The following TOP6BL variants were observed in gnomAD, a reference collection of about 807,000 sequenced individuals.
The protein encoded by TOP6BL is type 2 DNA topoisomerase 6 subunit B-like.
chr11:66,838,488 G>A, the TOP6BL span: 6 of 1,563,468 alleles, frequency 3.8e-6, no homozygotes, highest in Non-Finnish European at 5.3e-6. Context: ...CTGCAGCAGA[G>A]GAAGTAAAAA....
chr11:66,833,636 A>T, the TOP6BL span, among the ~76,000 whole-genome samples: 1 of 152,108 alleles, frequency 6.6e-6, no homozygotes. Context: ...CCTCTGTGGT[A>T]TCCCAGTAAG....
At chr11:66,791,175 A>G in the TOP6BL span, among the ~76,000 whole-genome samples, 1 of 152,346 alleles carries the variant, frequency 6.6e-6, no homozygotes, top group Middle Eastern at 3.4e-3. Context: ...TGGAAAAGCT[A>G]TAATAAATGA....
At chr11:66,744,817 G>GC in the TOP6BL span, 4 of 1,290,564 alleles carry the variant, frequency 3.1e-6, no homozygotes, top group African/African-American at 6.5e-5. Context: ...GGGCTGAGGA[G>GC]GGGGCGGCGG....
the TOP6BL span, among the ~76,000 whole-genome samples, chr11:66,815,295 G>A: frequency 1.3e-5 from 2 of 152,118 alleles, no homozygotes; most frequent in African/African-American, 4.8e-5. Flanking sequence ...AATGAATAAC[G>A]TAGGAAATGT....
At chr11:66,745,837 G>C in the TOP6BL span, among the ~76,000 whole-genome samples, 6 of 152,154 alleles carry the variant, frequency 3.9e-5, no homozygotes, top group South Asian at 8.3e-4. Context: ...TTGAGACGGA[G>C]TCTCGCTCTT....
the TOP6BL span, chr11:66,801,012 G>T: frequency 6.2e-7 from 1 of 1,612,192 alleles, no homozygotes; most frequent in Non-Finnish European, 8.5e-7. Flanking sequence ...AGATGGCTTA[G>T]CTTTGCTTTG....
chr11:66,745,194 G>T, the TOP6BL span, among the ~76,000 whole-genome samples: 1 of 152,048 alleles, frequency 6.6e-6, no homozygotes, highest in Non-Finnish European at 1.5e-5. Context: ...CCCAGGGGCA[G>T]AGCCTGACGC....
the TOP6BL span, among the ~76,000 whole-genome samples, chr11:66,800,080 C>A: frequency 1.3e-3 from 191 of 147,762 alleles, 2 homozygotes; most frequent in South Asian, 6.9e-3. Context: ...AAAAAAAAAA[C>A]CACAAAAAAC....
At chr11:66,820,058 A>G in the TOP6BL span, among the ~76,000 whole-genome samples, 2 of 152,106 alleles carry the variant, frequency 1.3e-5, no homozygotes, top group African/African-American at 2.4e-5. Context: ...CAGGCTGGGC[A>G]ACAAAACCCA....
the TOP6BL span, among the ~76,000 whole-genome samples, chr11:66,789,286 G>A: frequency 4.6e-5 from 7 of 152,040 alleles, no homozygotes; most frequent in African/African-American, 9.7e-5. Context: ...TCTCTTTATC[G>A]ACTTATTTGT....
chr11:66,829,796 GAA>G, the TOP6BL span, among the ~76,000 whole-genome samples: 1 of 152,142 alleles, frequency 6.6e-6, no homozygotes, highest in South Asian at 2.1e-4. Flanking sequence ...GGCTGAGGTG[GAA>G]GAACTGCATG....
the TOP6BL span, among the ~76,000 whole-genome samples, chr11:66,792,749 A>G: frequency 3.3e-5 from 5 of 152,312 alleles, 1 homozygote; most frequent in East Asian, 9.6e-4. Context: ...ATCATTATTC[A>G]TTGTAGTCTC....
chr11:66,783,170 A>C, the TOP6BL span, among the ~76,000 whole-genome samples: 1 of 152,200 alleles, frequency 6.6e-6, no homozygotes, highest in Non-Finnish European at 1.5e-5. Context: ...TGTATCTACA[A>C]AAAATTACAA....
the TOP6BL span, among the ~76,000 whole-genome samples, chr11:66,831,696 TA>T: frequency 6.6e-6 from 1 of 152,124 alleles, no homozygotes; most frequent in East Asian, 1.9e-4. Context: ...CATGTGTACT[TA>T]AAAATTGTAC....
the TOP6BL span, among the ~76,000 whole-genome samples, chr11:66,814,415 T>A: frequency 6.6e-6 from 1 of 152,098 alleles, no homozygotes; most frequent in Non-Finnish European, 1.5e-5. Context: ...CCTACCACCA[T>A]GCCTGGCTAA....
chr11:66,783,992 AT>A, the TOP6BL span, among the ~76,000 whole-genome samples: 36 of 151,734 alleles, frequency 2.4e-4, 1 homozygote, highest in African/African-American at 7.7e-4. Flanking sequence ...CACCTAGTTA[AT>A]TTTTTTGTTT....
chr11:66,769,763 C>T, the TOP6BL span, among the ~76,000 whole-genome samples: 2 of 151,350 alleles, frequency 1.3e-5, no homozygotes, highest in East Asian at 3.9e-4. Context: ...TTTTTTGAGA[C>T]AGAGTCTCAC....
the TOP6BL span, among the ~76,000 whole-genome samples, chr11:66,827,946 CAG>C: frequency 9.0e-6 from 1 of 110,904 alleles, no homozygotes; most frequent in African/African-American, 3.6e-5. Context: ...GCCTGGGTGA[CAG>C]AGCAAGACTC....
the TOP6BL span, chr11:66,821,897 T>C: frequency 1.8e-6 from 2 of 1,091,590 alleles, no homozygotes; most frequent in South Asian, 3.1e-5. Flanking sequence ...CTGGGTGATC[T>C]TGTAACACTG....
Sources: gnomAD v4.1 joint callset for allele counts (sites outside exome capture counted in the v4.1 genomes callset) on GRCh38, gnomAD v4.1.1 for gene constraint, MANE v1.5 for transcripts, NCBI Gene and HGNC (gene_info 2026-07-23, HGNC 2026-07-21) for gene names.